The following TRIM31 variants were observed in gnomAD, a reference collection of about 807,000 sequenced individuals.
TRIM31 encodes tripartite motif containing 31.
In TRIM31, 31 loss-of-function variants were observed where a neutral mutation model predicts 40.6. The ratio of observed to expected loss-of-function variants is 0.76; its 90% CI spans 0.57 to 1.03. The LOEUF is 1.03. Ranked by LOEUF, TRIM31 falls within the 50% of genes least tolerant of loss-of-function variation. The pLI, the probability that TRIM31 is intolerant of heterozygous loss-of-function variation, is 0.00. For synonymous variants in TRIM31, 164 were observed against 193.9 expected, an observed-to-expected ratio of 0.85 and a Z score of 1.28; for missense variants, 455 against 497.5, an observed-to-expected ratio of 0.91 and a Z score of 0.81.
chr6:30,103,335 C>T lies in TRIM31; in HGVS notation c.*201G>A. 2 of 765,338 alleles carry T rather than the reference C, an allele frequency of 2.6e-6. No individual in the cohort carries two copies. Among genetic ancestry groups the T allele is most frequent in the Non-Finnish European group, 2.1e-6 (1 of 469,138 alleles). The allele number at this position is 765,338 out of a possible 1,614,324, so 47.4% of individuals were successfully genotyped here. A position where few individuals can be genotyped will look rare whatever the true frequency, so the allele number is the denominator to read the frequency against. ...CTTCCCCTCCTTTTGCTCAAGAATT[C>T]GTCCATTCCTTCTCCAACTCTCTTC... On this transcript the variant is annotated 3_prime_UTR_variant, in exon 9 of 9. Coordinates refer to ENST00000376734, the MANE Select transcript of TRIM31 (RefSeq NM_007028.5).
At chr6:30,111,804 T>C in intron 2 of TRIM31, 61 bp from the exon 3 acceptor site, 2 of 1,515,256 alleles carry the variant, frequency 1.3e-6, no homozygotes, top group Non-Finnish European at 1.8e-6. Flanking sequence ...CATAAAATCC[T>C]CCTGGTCTCT....
intron 2 of TRIM31, 102 bp from the exon 3 acceptor site, chr6:30,111,845 TCCTTGTGTAATTATTAAGGACTCG>T: frequency 9.3e-7 from 1 of 1,072,694 alleles, no homozygotes; most frequent in Non-Finnish European, 1.4e-6. Context: ...TCCAGGTGAG[TCCTTGTGTAATTATTAAGGACTCG>T]CCTTTCTCAA....
chr6:30,111,919 G>C (rs1168532878), intron 2 of TRIM31, 176 bp from the exon 3 acceptor site: 2 of 626,594 alleles, frequency 3.2e-6, no homozygotes, highest in Non-Finnish European at 5.6e-6. Context: ...GAGAAATCTG[G>C]AGCCTAAGTG....
chr6:30,112,744 T>C lies in TRIM31; in HGVS notation c.62A>G (p.Asp21Gly). Residue 21 changes from aspartate to glycine, a missense_variant, in exon 2 of 9, where the codon GAC (aspartate) becomes GGC (glycine). Physicochemically the swap from Asp to Gly is moderately conservative, Grantham distance 94. Transcript: ENST00000376734. ...QEEVICPICL[D>G]ILQKPVTIDC... ...GATGGTGACAGGTTTCTGCAGAATG[T>C]CCAGGCAGATGGGGCAGATCACTTC... 3 of 1,613,046 alleles carry C rather than the reference T, an allele frequency of 1.9e-6. No homozygotes were observed. Among genetic ancestry groups the C allele is most frequent in the Non-Finnish European group, 2.5e-6 (3 of 1,180,000 alleles).
At chr6:30,105,956 C>T (rs1412542892) in intron 6 of TRIM31, among the ~76,000 whole-genome samples, 1 of 152,192 alleles carries the variant, frequency 6.6e-6, no homozygotes, top group African/African-American at 2.4e-5. Context: ...TGAAAGAGGG[C>T]TTGAGAGGGG....
chr6:30,109,106 G>C (rs1769039088), intron 4 of TRIM31, 58 bp from the exon 5 acceptor site: 6 of 1,589,616 alleles, frequency 3.8e-6, no homozygotes, highest in Non-Finnish European at 4.3e-6. Context: ...CAGGAGCCAA[G>C]GAGGAGATAC....
rs927189820 is a variant in TRIM31, at chr6:30,103,476, C to T, written c.*60G>A. The T allele has an allele frequency of 1.3e-5, 21 of 1,599,774 alleles. No homozygotes were observed. The East Asian group carries it at 4.7e-4, about 36-fold the overall frequency. ...TGGTCGGTCTCAGCCACTCACTCAG[C>T]GCCACTCTATGCTCCGAAGTCCGTG... On this transcript the variant is annotated 3_prime_UTR_variant, in exon 9 of 9. Coordinates refer to ENST00000376734, the MANE Select transcript of TRIM31 (RefSeq NM_007028.5).
rs1191276029 is a variant in TRIM31, at chr6:30,110,332, G to GGGCT, written c.744+112_744+115dup. 3.3e-6 allele frequency: 3 copies of GGGCT among 915,044 alleles called. No homozygotes were observed. In the African/African-American group the frequency reaches 4.9e-5, roughly 15 times the overall value. The allele number at this position is 915,044 out of a possible 1,614,324, so 56.7% of individuals were successfully genotyped here. On this transcript the variant is annotated intron_variant, in intron 4 of 8. Transcript: ENST00000376734. ...TCACATATTGCTATTGGACAGCACT[G>GGGCT]GGCTAGAGGTAGGATGGTTGGGGCA... is the stretch of plus-strand genomic sequence containing the variant.
At chr6:30,111,269 G>T in intron 3 of TRIM31, 1 of 216,184 alleles carries the variant, frequency 4.6e-6, no homozygotes, top group Non-Finnish European at 9.1e-6. Context: ...TCAAACTCCT[G>T]GGCTCAAGCG....
Position 30,103,336 on chromosome 6 carries a change from G to A in TRIM31, c.*200C>T. ...TTCCCCTCCTTTTGCTCAAGAATTCGTCCATTCCTTCTCCAACTCTCTTCA... is the reference window on the plus strand; with the variant it reads ...TTCCCCTCCTTTTGCTCAAGAATTCATCCATTCCTTCTCCAACTCTCTTCA... On this transcript the variant is annotated 3_prime_UTR_variant, in exon 9 of 9. Coordinates refer to ENST00000376734, the MANE Select transcript of TRIM31 (RefSeq NM_007028.5). The A allele has an allele frequency of 1.3e-6, 1 of 772,100 alleles. No homozygotes were observed. Among genetic ancestry groups the A allele is most frequent in the Non-Finnish European group, 2.1e-6 (1 of 474,828 alleles). 47.8% of individuals were successfully genotyped at this position (772,100 alleles called of 1,614,324 possible).
intron 8 of TRIM31, 81 bp downstream of exon 8, chr6:30,104,020 AT>A (rs1352168990): frequency 1.6e-5 from 23 of 1,455,360 alleles, no homozygotes; most frequent in Non-Finnish European, 2.2e-5. Context: ...CATTTATTCC[AT>A]TTAGTGGAAT....
At position 30,112,430 on chromosome 6, in the gene TRIM31, G is replaced by T. The variant is rs41272571; in HGVS notation, c.376C>A (p.His126Asn). 2 of 1,612,914 alleles carry T rather than the reference G, an allele frequency of 1.2e-6. No homozygotes were observed. The highest frequency in any genetic ancestry group is 1.7e-6 in the Non-Finnish European group (2 of 1,179,986). The change falls in exon 2 of 9, where the codon CAT (histidine) becomes AAT (asparagine). Residue 126 changes from histidine (H) to asparagine (N), a missense_variant. Physicochemically the swap from His to Asn is moderately conservative, Grantham distance 68. Coordinates refer to ENST00000376734, the MANE Select transcript of TRIM31 (RefSeq NM_007028.5). ...GCTTCTTCGATCAAGCTGACATTAT[G>T]GGATTTGTGGTCCTTGGATTCACGA... ...VCRESKDHKS[H>N]NVSLIEEAAQ... is the part of the protein sequence containing the mutation.
Position 30,103,568 on chromosome 6 carries a change from G to A in TRIM31, c.1246C>T (p.Arg416Trp), listed in dbSNP as rs776360004. Residue 416 changes from arginine to tryptophan, a missense_variant, in exon 9 of 9, where the codon CGG (arginine) becomes TGG (tryptophan). Arg to Trp is a moderately radical substitution (Grantham distance 101). Transcript: ENST00000376734. ...AALSEWLTAI[R>W]AWFCEVPSS ...GAAGGAACCTCACAAAACCAAGCCC[G>A]GATCGCTGTCAGCCACTCACTCAGT... 1 of 1,612,672 alleles carries A rather than the reference G, an allele frequency of 6.2e-7. No homozygotes were observed. The highest frequency in any genetic ancestry group is 8.5e-7 in the Non-Finnish European group (1 of 1,179,764).
intron 6 of TRIM31, among the ~76,000 whole-genome samples, chr6:30,107,172 G>A (rs1768797704): frequency 6.6e-6 from 1 of 152,118 alleles, no homozygotes; most frequent in Non-Finnish European, 1.5e-5. Flanking sequence ...GGGGTGGGAG[G>A]AGCTAGACAA....
intron 6 of TRIM31, among the ~76,000 whole-genome samples, chr6:30,107,254 G>A (rs959738083): frequency 4.6e-4 from 69 of 150,200 alleles, no homozygotes; most frequent in African/African-American, 1.4e-3. Context: ...ATGCTTTCCT[G>A]TTTATGTCTG....
In TRIM31 at chr6:30,103,758, G is replaced by A; in HGVS notation, c.1056C>T (p.His352=). ...GGGAGTGGGATGGGGCTGAAGAGTGGTGATTTGGTGGCCCCGATGTAGTTC... is the reference window on the plus strand; with the variant it reads ...GGGAGTGGGATGGGGCTGAAGAGTGATGATTTGGTGGCCCCGATGTAGTTC... The part of the protein sequence containing the change: ...GGRTTSGPPN[H]HSSAPSHSLF... Residue 352 remains histidine, a synonymous_variant, in exon 9 of 9, where the codon CAC becomes CAT. Coordinates refer to ENST00000376734, the MANE Select transcript of TRIM31 (RefSeq NM_007028.5). 6.2e-7 allele frequency: 1 copy of A among 1,613,072 alleles called. No homozygotes were observed.
chr6:30,107,043 T>C (rs1768782581), intron 6 of TRIM31, among the ~76,000 whole-genome samples: 1 of 152,074 alleles, frequency 6.6e-6, no homozygotes, highest in Admixed American at 6.5e-5. Context: ...GAGGTTGCAG[T>C]GAGCCGAGAT....
chr6:30,110,125 A>C (rs2127390285), intron 4 of TRIM31, among the ~76,000 whole-genome samples: 1 of 152,110 alleles, frequency 6.6e-6, no homozygotes. Context: ...ATAATATTTC[A>C]GATATATTGA....
chr6:30,112,592 G>A lies in TRIM31; in HGVS notation c.214C>T (p.Arg72Trp), dbSNP rs34704616. The A allele has an allele frequency of 2.9e-3, 4,736 of 1,613,038 alleles. 49 individuals are homozygous for A. In the African/African-American group the frequency reaches 0.034, roughly 12 times the overall value. The change falls in exon 2 of 9, where the codon CGG becomes TGG. Residue 72 changes from arginine (R) to tryptophan (W), a missense_variant. Coordinates refer to ENST00000376734, the MANE Select transcript of TRIM31 (RefSeq NM_007028.5). ...KNAIRFNSLL[R>W]NLVEKIQALQ... Reference sequence around the variant, plus strand: ...GCTTGGATTTTCTCCACCAGATTCCGCAACAGCGAGTTGAACCTGATTGCG... The same window carrying A: ...GCTTGGATTTTCTCCACCAGATTCCACAACAGCGAGTTGAACCTGATTGCG...
Sources: allele counts gnomAD v4.1 joint callset (sites outside exome capture counted in the v4.1 genomes callset), GRCh38; gene constraint gnomAD v4.1.1; transcripts MANE v1.5; gene names NCBI Gene and HGNC (gene_info 2026-07-23, HGNC 2026-07-21).